The following GALNT17 variants were observed in gnomAD, a reference collection of about 807,000 sequenced individuals.
GALNT17 encodes UDP-GalNAc:polypeptide N-acetylgalactosaminyltransferase-like 3.
GALNT17 carries 29 observed loss-of-function variants against 63.7 expected under a neutral mutation model. The observed-to-expected ratio is 0.46, with a 90% CI of 0.34 to 0.62. The LOEUF (loss-of-function observed/expected upper bound fraction) is 0.62. GALNT17 is among the 20% of genes least tolerant of loss of function. GALNT17 has a pLI of 0.01. For synonymous variants in GALNT17, 305 were observed against 318.3 expected (o/e 0.96, Z 0.45); for missense variants, 603 against 799.6 (o/e 0.75, Z 2.97).
At chr7:71,666,123 A>T (rs1464015456) in intron 7 of GALNT17, among the ~76,000 whole-genome samples, 1 of 152,026 alleles carries the variant, frequency 6.6e-6, no homozygotes, top group Non-Finnish European at 1.5e-5. Flanking sequence ...TTTGAATCCC[A>T]ACTCTATCAT....
At chr7:71,511,498 G>T (rs1187869804) in intron 5 of GALNT17, among the ~76,000 whole-genome samples, 4 of 152,146 alleles carry the variant, frequency 2.6e-5, no homozygotes, top group African/African-American at 2.4e-5. Flanking sequence ...TAGTTCATTT[G>T]CCTAGGACTT....
chr7:71,393,428 G>C (rs1178819041), intron 3 of GALNT17, among the ~76,000 whole-genome samples: 2 of 152,134 alleles, frequency 1.3e-5, no homozygotes, highest in Non-Finnish European at 2.9e-5. Flanking sequence ...ACTAACCAGA[G>C]GCAACTGCTC....
chr7:71,477,119 C>A (rs1234792936), intron 5 of GALNT17, among the ~76,000 whole-genome samples: 2 of 152,152 alleles, frequency 1.3e-5, no homozygotes, highest in African/African-American at 2.4e-5. Flanking sequence ...GATACTACTA[C>A]TACTAATAAT....
intron 1 of GALNT17, among the ~76,000 whole-genome samples, chr7:71,301,744 C>G (rs914817209): frequency 9.7e-6 from 1 of 102,592 alleles, no homozygotes; most frequent in Non-Finnish European, 2.0e-5. Context: ...AAGGTTCTTA[C>G]CACAAAAAAA....
chr7:71,306,203 G>T (rs1376561845), intron 1 of GALNT17, among the ~76,000 whole-genome samples: 1 of 152,192 alleles, frequency 6.6e-6, no homozygotes, highest in East Asian at 1.9e-4. Flanking sequence ...ATGGGTGACA[G>T]AGTGAGATTT....
chr7:71,492,300 A>T (rs1458409360), intron 5 of GALNT17, among the ~76,000 whole-genome samples: 2 of 152,194 alleles, frequency 1.3e-5, no homozygotes, highest in Admixed American at 6.5e-5. Flanking sequence ...TAAATTAATT[A>T]AATTAAATAT....
rs544272445 is a variant in GALNT17, at chr7:71,523,512, T to G, written c.963-47773T>G. On this transcript the variant is annotated intron_variant, in intron 5 of 10. Transcript: ENST00000333538. ...GCTCATGCCTGAAATCCCAGCTGTT[T>G]GGGAGGCTGAGGCAGGCAGATAACT... Among the ~76,000 whole-genome samples the G allele has an allele frequency of 1.4e-4, 21 of 152,032 alleles. No individual in the cohort carries two copies. The South Asian group carries it at 4.4e-3, about 32-fold the overall frequency.
intron 5 of GALNT17, among the ~76,000 whole-genome samples, chr7:71,450,654 G>A (rs953220169): frequency 3.3e-5 from 5 of 151,946 alleles, no homozygotes; most frequent in South Asian, 2.1e-4. Flanking sequence ...TAAAAGAAAC[G>A]CCATTCTCAT....
intron 2 of GALNT17, among the ~76,000 whole-genome samples, chr7:71,366,546 A>G (rs951559691): frequency 6.6e-6 from 1 of 151,958 alleles, no homozygotes; most frequent in African/African-American, 2.4e-5. Context: ...GTGCCATTGC[A>G]CTCCAGCCTG....
At chr7:71,446,746 A>T (rs1160457795) in intron 5 of GALNT17, among the ~76,000 whole-genome samples, 3 of 152,076 alleles carry the variant, frequency 2.0e-5, no homozygotes, top group Admixed American at 6.6e-5. Context: ...ACAGGGTTTC[A>T]CCACATTGGC....
At chr7:71,424,196 T>G (rs1583940303) in intron 5 of GALNT17, among the ~76,000 whole-genome samples, 1 of 152,294 alleles carries the variant, frequency 6.6e-6, no homozygotes, top group African/African-American at 2.4e-5. Flanking sequence ...TATTTGAGCT[T>G]TAATGGCGAG....
intron 5 of GALNT17, among the ~76,000 whole-genome samples, chr7:71,542,191 ACCT>A (rs1200658117): frequency 1.3e-5 from 2 of 152,066 alleles, no homozygotes; most frequent in African/African-American, 4.8e-5. Flanking sequence ...GCAGCTGCAA[ACCT>A]CCTTTTCTGA....
At chr7:71,216,214 C>G (rs983926829) in intron 1 of GALNT17, among the ~76,000 whole-genome samples, 2 of 152,026 alleles carry the variant, frequency 1.3e-5, no homozygotes, top group Non-Finnish European at 2.9e-5. Flanking sequence ...AAGACCCTGT[C>G]ACAAACAAAC....
At chr7:71,477,406 G>A (rs1485747945) in intron 5 of GALNT17, among the ~76,000 whole-genome samples, 1 of 152,216 alleles carries the variant, frequency 6.6e-6, no homozygotes, top group Non-Finnish European at 1.5e-5. Flanking sequence ...AGCAGTGGAA[G>A]ACCAAGGTGT....
At chr7:71,599,866 A>T (rs925780112) in intron 6 of GALNT17, among the ~76,000 whole-genome samples, 1 of 151,768 alleles carries the variant, frequency 6.6e-6, no homozygotes, top group Non-Finnish European at 1.5e-5. Flanking sequence ...ATTTTGGGCT[A>T]GGTAATGTCT....
chr7:71,619,292 T>C (rs1162633986), intron 6 of GALNT17, among the ~76,000 whole-genome samples: 1 of 152,186 alleles, frequency 6.6e-6, no homozygotes, highest in African/African-American at 2.4e-5. Context: ...TTTGGATCCA[T>C]ATGAATTTTA....
At chr7:71,195,327 C>T (rs529647802) in intron 1 of GALNT17, among the ~76,000 whole-genome samples, 9 of 151,702 alleles carry the variant, frequency 5.9e-5, no homozygotes, top group African/African-American at 1.7e-4. Context: ...GAGATCTTTC[C>T]GCCTCAGTCT....
At chr7:71,279,777 G>C (rs1020625880) in intron 1 of GALNT17, among the ~76,000 whole-genome samples, 1 of 150,242 alleles carries the variant, frequency 6.7e-6, no homozygotes, top group South Asian at 2.2e-4. Context: ...GAAGCGAAAT[G>C]GGGGGCAAAC....
intron 9 of GALNT17, among the ~76,000 whole-genome samples, chr7:71,692,907 T>C (rs1791476945): frequency 1.3e-5 from 2 of 151,356 alleles, no homozygotes. Flanking sequence ...CTCAGCTAAT[T>C]TTTGAATTTT....
Sources: allele counts gnomAD v4.1 joint callset (sites outside exome capture counted in the v4.1 genomes callset), GRCh38; gene constraint gnomAD v4.1.1; transcripts MANE v1.5; gene names NCBI Gene and HGNC (gene_info 2026-07-23, HGNC 2026-07-21).